CFAP44: variants seen among roughly 807,000 people sequenced by gnomAD.
CFAP44 encodes the protein cilia- and flagella-associated protein 44.
A neutral mutation model predicts 216.2 loss-of-function variants in CFAP44; 134 were observed. The ratio of observed to expected loss-of-function variants is 0.62; its 90% CI spans 0.54 to 0.72. The LOEUF is 0.72. CFAP44 is among the 30% of genes least tolerant of loss of function. The probability of loss-of-function intolerance (pLI) is 0.00; values close to 1 mark genes in which losing one functional copy is unlikely to be tolerated. For synonymous variants in CFAP44, 700 were observed against 727.6 expected, an observed-to-expected ratio of 0.96 and a Z score of 0.61; for missense variants, 2,035 against 2,182.1, an observed-to-expected ratio of 0.93 and a Z score of 1.34.
chr3:113,381,994 T>A (rs1191007390), intron 15 of CFAP44, among the ~76,000 whole-genome samples: 1 of 152,188 alleles, frequency 6.6e-6, no homozygotes, highest in Non-Finnish European at 1.5e-5. Context: ...GTAAAAAATG[T>A]ATAAATTATA....
rs145874948 is a variant in CFAP44 at position 113,332,925 on chromosome 3, C to T, written c.3615+481G>A. ...TCAAAGTCCACAAAATATAAGCTTA[C>T]CCATGAAACTGGTACTAAAACATGG... is the stretch of plus-strand genomic sequence containing the variant. On this transcript the variant is annotated intron_variant, in intron 25 of 34. Coordinates refer to ENST00000393845, the MANE Select transcript of CFAP44 (RefSeq NM_001164496.2). Among the ~76,000 whole-genome samples, 463 of 152,198 alleles carry T rather than the reference C, an allele frequency of 3.0e-3. 5 individuals carry two copies. The highest frequency in any genetic ancestry group is 0.011 in the African/African-American group (440 of 41,534).
intron 24 of CFAP44, among the ~76,000 whole-genome samples, chr3:113,338,015 C>A (rs1950295232): frequency 6.6e-6 from 1 of 151,864 alleles, no homozygotes; most frequent in South Asian, 2.1e-4. Flanking sequence ...GTATTCCCAG[C>A]ACTTTGGGAG....
intron 15 of CFAP44, among the ~76,000 whole-genome samples, chr3:113,384,463 A>G (rs1933595849): frequency 6.6e-6 from 1 of 152,252 alleles, no homozygotes; most frequent in Non-Finnish European, 1.5e-5. Context: ...TCAATACTTC[A>G]GAATGTGACT....
intron 28 of CFAP44, among the ~76,000 whole-genome samples, chr3:113,324,614 T>G (rs994861398): frequency 6.6e-6 from 1 of 152,158 alleles, no homozygotes; most frequent in African/African-American, 2.4e-5. Flanking sequence ...TTCCTTAACT[T>G]AATAGAGTAT....
chr3:113,393,706 G>C (rs544268054), intron 15 of CFAP44, among the ~76,000 whole-genome samples: 1 of 152,268 alleles, frequency 6.6e-6, no homozygotes, highest in East Asian at 1.9e-4. Flanking sequence ...TGTAGAGACA[G>C]GGTTTCACTA....
intron 1 of CFAP44, among the ~76,000 whole-genome samples, chr3:113,440,109 G>A (rs929595076): frequency 2.0e-5 from 3 of 152,142 alleles, no homozygotes; most frequent in Admixed American, 2.0e-4. Flanking sequence ...TGTCACCCAG[G>A]CTGGAGTGCA....
intron 6 of CFAP44, among the ~76,000 whole-genome samples, chr3:113,412,532 C>A (rs1576597915): frequency 6.6e-6 from 1 of 151,812 alleles, no homozygotes; most frequent in Admixed American, 6.6e-5. Flanking sequence ...CTCACCCCCA[C>A]CCCCCAACAG....
chr3:113,392,130 C>T (rs1933857614), intron 15 of CFAP44, among the ~76,000 whole-genome samples: 1 of 151,942 alleles, frequency 6.6e-6, no homozygotes, highest in African/African-American at 2.4e-5. Flanking sequence ...TCACAATAGC[C>T]AAGATTTGAA....
At chr3:113,328,715 A>AAC (rs1950213729) in intron 26 of CFAP44, among the ~76,000 whole-genome samples, 1 of 146,818 alleles carries the variant, frequency 6.8e-6, no homozygotes, top group South Asian at 2.1e-4. Context: ...AAAAAAAAAA[A>AAC]AAAAAAAAAA....
In CFAP44 at chr3:113,379,417, T is replaced by C. The variant is rs926013312; in HGVS notation, c.2187A>G (p.Lys729=). ...EKEFQEEEEE[K]EEEEEEEEPL... is the part of the protein sequence containing the mutation. ...GCTCTTCTTCCTCCTCCTCCTCCTC[T>C]TTCTCCTCTTCCTCCTCCTGAAATT... The change falls in exon 17 of 35, where the codon AAA becomes AAG. Residue 729 remains lysine (K), a synonymous_variant. Coordinates refer to ENST00000393845, the MANE Select transcript of CFAP44 (RefSeq NM_001164496.2). 6.2e-7 allele frequency: 1 copy of C among 1,611,260 alleles called. No homozygotes were observed. Among genetic ancestry groups the C allele is most frequent in the Non-Finnish European group, 8.5e-7 (1 of 1,177,694 alleles).
intron 1 of CFAP44, among the ~76,000 whole-genome samples, chr3:113,438,444 G>A (rs1244282509): frequency 1.3e-5 from 2 of 152,178 alleles, no homozygotes; most frequent in Non-Finnish European, 2.9e-5. Flanking sequence ...ATGGCTGTGT[G>A]CCTCAGTACT....
intron 7 of CFAP44, among the ~76,000 whole-genome samples, chr3:113,407,715 A>G (rs1332545045): frequency 6.6e-6 from 1 of 152,214 alleles, no homozygotes; most frequent in African/African-American, 2.4e-5. Flanking sequence ...AATAGTCTAA[A>G]CAAATGGACA....
intron 10 of CFAP44, 84 bp from the exon 11 acceptor site, chr3:113,401,371 T>A: frequency 7.5e-7 from 1 of 1,335,880 alleles, no homozygotes; most frequent in Non-Finnish European, 1.0e-6. Flanking sequence ...TTTATTAAAG[T>A]AAGGACAAGC....
At chr3:113,300,115 ACAAACTTTGCATGCTCTCCCT>A (rs1949920535) in intron 32 of CFAP44, among the ~76,000 whole-genome samples, 1 of 152,190 alleles carries the variant, frequency 6.6e-6, no homozygotes, top group African/African-American at 2.4e-5. Context: ...GCACATAAAG[ACAAACTTTGCATGCTCTCCCT>A]TATTCGTGAG....
intron 18 of CFAP44, among the ~76,000 whole-genome samples, chr3:113,368,492 G>A (rs1433412045): frequency 1.3e-5 from 2 of 152,166 alleles, no homozygotes; most frequent in African/African-American, 4.8e-5. Context: ...GTCAAACTAA[G>A]CTTCATCAGT....
chr3:113,351,731 G>A (rs151175783), intron 22 of CFAP44, among the ~76,000 whole-genome samples: 19 of 141,436 alleles, frequency 1.3e-4, no homozygotes, highest in African/African-American at 1.6e-4. Context: ...GGAGTTGGGC[G>A]ACATGGCTTC....
At chr3:113,322,936 G>A (rs914580115) in intron 28 of CFAP44, among the ~76,000 whole-genome samples, 2 of 152,202 alleles carry the variant, frequency 1.3e-5, no homozygotes, top group Non-Finnish European at 2.9e-5. Flanking sequence ...AGAAAGGGAA[G>A]CAAACATGTC....
chr3:113,411,626 TGGCCTTTTG>T (rs1214995848), intron 6 of CFAP44, among the ~76,000 whole-genome samples: 3 of 151,618 alleles, frequency 2.0e-5, no homozygotes, highest in African/African-American at 4.8e-5. Context: ...CTTGGCAATG[TGGCCTTTTG>T]GTTCCATATG....
chr3:113,371,937 C>T lies in CFAP44; in HGVS notation c.2444+1474G>A, dbSNP rs1274524652. Among the ~76,000 whole-genome samples, 5 of 152,170 alleles carry T rather than the reference C, an allele frequency of 3.3e-5. No individual in the cohort carries two copies. The South Asian group carries it at 6.2e-4, about 19-fold the overall frequency. ...GCAAAGGATATGAACAGACACTTCT[C>T]AATAGAAGACATTTACGCAGCCAAC... On this transcript the variant is annotated intron_variant, in intron 18 of 34. Coordinates refer to ENST00000393845, the MANE Select transcript of CFAP44 (RefSeq NM_001164496.2).
Sources: allele counts gnomAD v4.1 joint callset (sites outside exome capture counted in the v4.1 genomes callset), GRCh38; gene constraint gnomAD v4.1.1; transcripts MANE v1.5; gene names NCBI Gene and HGNC (gene_info 2026-07-23, HGNC 2026-07-21).